ANO3: variants seen among roughly 807,000 people sequenced by gnomAD.
ANO3 encodes anoctamin-3.
In ANO3, 99 loss-of-function variants were observed where a neutral mutation model predicts 144.8. That is an observed-to-expected ratio of 0.68 (90% confidence interval 0.58 to 0.81). The LOEUF (loss-of-function observed/expected upper bound fraction) is 0.81. Ranked by LOEUF, ANO3 falls within the 30% of genes least tolerant of loss-of-function variation. The probability of loss-of-function intolerance (pLI) is 0.00; values close to 1 mark genes in which losing one functional copy is unlikely to be tolerated. For synonymous variants in ANO3, 414 were observed against 392.6 expected (o/e 1.05, Z -0.64); for missense variants, 905 against 1,202.2 (o/e 0.75, Z 3.66).
chr11:26,640,576 T>C (rs559787599), intron 21 of ANO3, among the ~76,000 whole-genome samples: 1 of 152,288 alleles, frequency 6.6e-6, no homozygotes, highest in African/African-American at 2.4e-5. Context: ...CAAGATGATG[T>C]AGGGGTCATT....
chr11:26,575,930 C>G (rs538640603), intron 14 of ANO3, among the ~76,000 whole-genome samples: 1 of 152,262 alleles, frequency 6.6e-6, no homozygotes, highest in South Asian at 2.1e-4. Context: ...AGCGTTGTTA[C>G]AAGATGATGG....
At chr11:26,406,137 G>A (rs1857271444) in intron 1 of ANO3, among the ~76,000 whole-genome samples, 2 of 151,870 alleles carry the variant, frequency 1.3e-5, no homozygotes, top group African/African-American at 4.8e-5. Flanking sequence ...CAGTAGAAAT[G>A]TATTTCTTAT....
rs372019654 is a variant in ANO3, at chr11:26,465,857, A to T, written c.432+2709A>T. 2.5e-4 allele frequency among the ~76,000 whole-genome samples: 38 copies of T among 152,056 alleles called. No homozygotes were observed. In the South Asian group the frequency reaches 3.7e-3, roughly 15 times the overall value. On this transcript the variant is annotated intron_variant, in intron 4 of 26. Coordinates refer to ENST00000256737, the MANE Select transcript of ANO3 (RefSeq NM_031418.4). The stretch of plus-strand genomic sequence containing the variant: ...GAATTTTAATTTTTGTCAGGTACAT[A>T]TGCACTGTTTGTAATAATTTTGTAA...
At chr11:26,402,435 T>C (rs143054520) in intron 1 of ANO3, among the ~76,000 whole-genome samples, 2 of 152,084 alleles carry the variant, frequency 1.3e-5, no homozygotes, top group Non-Finnish European at 2.9e-5. Context: ...ACCCCATGTA[T>C]GTCTGCTTTT....
intron 1 of ANO3, among the ~76,000 whole-genome samples, chr11:26,413,821 T>C (rs187062289): frequency 7.9e-5 from 12 of 152,226 alleles, no homozygotes; most frequent in African/African-American, 2.9e-4. Flanking sequence ...GAATATGTTA[T>C]CTGAATTTAT....
At chr11:26,544,759 G>A (rs77837722) in intron 11 of ANO3, among the ~76,000 whole-genome samples, 7,990 of 151,928 alleles carry the variant, frequency 0.053, 264 homozygotes, top group Admixed American at 0.095. Context: ...ATCTATAGAA[G>A]ACATTACTCT....
intron 4 of ANO3, among the ~76,000 whole-genome samples, chr11:26,496,727 C>A (rs762148016): frequency 6.6e-6 from 1 of 151,908 alleles, no homozygotes; most frequent in Admixed American, 6.6e-5. Context: ...TCTCTATATT[C>A]GTGTGTACAT....
chr11:26,361,502 T>G (rs540922531), intron 1 of ANO3, among the ~76,000 whole-genome samples: 1 of 152,286 alleles, frequency 6.6e-6, no homozygotes, highest in Non-Finnish European at 1.5e-5. Context: ...GAACTTCTGT[T>G]TATGCTTCCC....
intron 1 of ANO3, among the ~76,000 whole-genome samples, chr11:26,204,315 T>C (rs1457267746): frequency 2.0e-5 from 3 of 151,996 alleles, no homozygotes; most frequent in African/African-American, 7.2e-5. Context: ...AAGTACCCAC[T>C]TATCCCCCAG....
intron 1 of ANO3, among the ~76,000 whole-genome samples, chr11:26,194,450 G>GTGTGTGTA (rs1554920736): frequency 1.3e-3 from 194 of 144,586 alleles, no homozygotes; most frequent in African/African-American, 4.6e-3. Flanking sequence ...GTGTGTGTGT[G>GTGTGTGTA]TGTGTGTGTG....
At chr11:26,595,460 G>GTGTTTTTTTTTTTT in intron 14 of ANO3, among the ~76,000 whole-genome samples, 1 of 101,388 alleles carries the variant, frequency 9.9e-6, no homozygotes, top group East Asian at 3.0e-4. Flanking sequence ...AGATAGAGTT[G>GTGTTTTTTTTTTTT]TTTTTTTTTT....
intron 25 of ANO3, 56 bp from the exon 26 acceptor site, chr11:26,656,320 T>G: frequency 3.4e-6 from 5 of 1,483,694 alleles, no homozygotes; most frequent in Non-Finnish European, 4.7e-6. Flanking sequence ...CAAGAAAATT[T>G]GGGCCTCCAC....
At chr11:26,268,554 G>T (rs1378467497) in intron 1 of ANO3, among the ~76,000 whole-genome samples, 4 of 152,080 alleles carry the variant, frequency 2.6e-5, no homozygotes, top group Admixed American at 1.3e-4. Flanking sequence ...TCTTCTGAAG[G>T]GGTAAGCCAA....
At chr11:26,598,826 T>G in intron 15 of ANO3, 32 bp from the exon 16 acceptor site, 2 of 1,601,038 alleles carry the variant, frequency 1.2e-6, no homozygotes, top group Non-Finnish European at 1.7e-6. Context: ...TTTATGGCTT[T>G]GATATTTAGA....
intron 4 of ANO3, among the ~76,000 whole-genome samples, chr11:26,472,832 A>G (rs542452639): frequency 6.6e-6 from 1 of 152,066 alleles, no homozygotes; most frequent in African/African-American, 2.4e-5. Flanking sequence ...CTCACCAGTC[A>G]ATCAAAATAT....
At chr11:26,366,006 TA>T (rs1564985017) in intron 1 of ANO3, among the ~76,000 whole-genome samples, 1 of 101,682 alleles carries the variant, frequency 9.8e-6, no homozygotes, top group African/African-American at 4.1e-5. Context: ...ATATATATTT[TA>T]ATTATACTTT....
At chr11:26,350,092 A>AGGGGGAGG (rs1855603897) in intron 1 of ANO3, among the ~76,000 whole-genome samples, 2 of 150,178 alleles carry the variant, frequency 1.3e-5, no homozygotes, top group African/African-American at 5.1e-5. Context: ...GGGGAGAAGA[A>AGGGGGAGG]AGAAACAGAT....
chr11:26,336,973 A>T (rs1413872060), intron 1 of ANO3, among the ~76,000 whole-genome samples: 1 of 152,188 alleles, frequency 6.6e-6, no homozygotes, highest in Non-Finnish European at 1.5e-5. Context: ...TGAATATTAG[A>T]AAGAATTGGG....
At chr11:26,327,698 A>T (rs181315240), upstream of ANO3, among the ~76,000 whole-genome samples, 5,798 of 152,320 alleles carry the variant, frequency 0.038, 380 homozygotes, top group African/African-American at 0.13. Flanking sequence ...TATTTTTAAT[A>T]ACATTATTGA....
Sources: allele counts gnomAD v4.1 joint callset (sites outside exome capture counted in the v4.1 genomes callset), GRCh38; gene constraint gnomAD v4.1.1; transcripts MANE v1.5; gene names NCBI Gene and HGNC (gene_info 2026-07-23, HGNC 2026-07-21).